Variants in AUTS2 observed in about 807,000 individuals in gnomAD.
AUTS2 encodes the protein autism susceptibility gene 2 protein.
A neutral mutation model predicts 112.4 loss-of-function variants in AUTS2; 17 were observed. The ratio of observed to expected loss-of-function variants is 0.15; its 90% confidence interval spans 0.10 to 0.23. The LOEUF (loss-of-function observed/expected upper bound fraction) is 0.23. Among genes scored for constraint, AUTS2 ranks in the 10% least tolerant of loss-of-function variants. The pLI is 1.00. For missense variants in AUTS2, 1,510 were observed against 1,701.6 expected, an observed-to-expected ratio of 0.89 and a Z score of 1.98; for synonymous variants, 751 against 702.7, an observed-to-expected ratio of 1.07 and a Z score of -1.09.
chr7:70,610,449 T>C (rs1804032678), intron 5 of AUTS2, among the ~76,000 whole-genome samples: 1 of 95,788 alleles, frequency 1.0e-5, no homozygotes, highest in Non-Finnish European at 2.2e-5. Context: ...TTTTTTTTTT[T>C]TTTCCTGACA....
At chr7:70,276,377 CTTT>C (rs545099548) in intron 4 of AUTS2, among the ~76,000 whole-genome samples, 2 of 139,928 alleles carry the variant, frequency 1.4e-5, no homozygotes. Flanking sequence ...AATTTTGTGA[CTTT>C]TTTTTTTTTT....
At chr7:70,038,804 C>G (rs1420959814) in intron 2 of AUTS2, among the ~76,000 whole-genome samples, 1 of 151,926 alleles carries the variant, frequency 6.6e-6, no homozygotes, top group Non-Finnish European at 1.5e-5. Context: ...GGAGTCTCAC[C>G]CTGTCGCGCT....
chr7:70,628,203 G>C (rs1361627949), intron 5 of AUTS2, among the ~76,000 whole-genome samples: 3 of 152,088 alleles, frequency 2.0e-5, no homozygotes, highest in Non-Finnish European at 4.4e-5. Context: ...AAAAAAACAT[G>C]TTTATTTGCC....
chr7:70,444,371 T>A (rs113123008), intron 5 of AUTS2, among the ~76,000 whole-genome samples: 18,677 of 141,082 alleles, frequency 0.13, 1,208 homozygotes, highest in Middle Eastern at 0.17. Flanking sequence ...TGTGTGTGTG[T>A]GTGAGAGAGA....
At chr7:69,730,019 T>TTTTTTTTTTA (rs10684332) in intron 1 of AUTS2, among the ~76,000 whole-genome samples, 3 of 132,100 alleles carry the variant, frequency 2.3e-5, no homozygotes, top group Non-Finnish European at 3.2e-5. Flanking sequence ...TTTTTTTTTT[T>TTTTTTTTTTA]AGAAACTAGG....
chr7:70,303,432 G>GCACACACACA (rs762636923), intron 4 of AUTS2, among the ~76,000 whole-genome samples: 55 of 103,164 alleles, frequency 5.3e-4, no homozygotes, highest in Admixed American at 2.3e-3. Context: ...ACGCGCGCGC[G>GCACACACACA]CGCACATACA....
chr7:69,691,037 C>T (rs908389549), intron 1 of AUTS2, among the ~76,000 whole-genome samples: 1 of 152,150 alleles, frequency 6.6e-6, no homozygotes, highest in Non-Finnish European at 1.5e-5. Context: ...TCAGGTTGTC[C>T]TGACAAGTTG....
intron 2 of AUTS2, among the ~76,000 whole-genome samples, chr7:69,946,557 TAC>T (rs57891742): frequency 0.043 from 6,229 of 143,814 alleles, 136 homozygotes; most frequent in Non-Finnish European, 0.05. Context: ...TGTGATGTGA[TAC>T]ACACACACAC....
At chr7:70,423,585 G>A (rs1018794686) in intron 4 of AUTS2, among the ~76,000 whole-genome samples, 1 of 152,164 alleles carries the variant, frequency 6.6e-6, no homozygotes, top group African/African-American at 2.4e-5. Flanking sequence ...GTCCCTGTGT[G>A]CAGGTTACTG....
intron 5 of AUTS2, among the ~76,000 whole-genome samples, chr7:70,658,439 C>T (rs901635041): frequency 6.6e-6 from 1 of 152,242 alleles, no homozygotes; most frequent in Non-Finnish European, 1.5e-5. Flanking sequence ...GCCTTTGATC[C>T]ATCTCTCGGC....
At chr7:69,753,966 A>T (rs1335678503) in intron 1 of AUTS2, among the ~76,000 whole-genome samples, 1 of 152,152 alleles carries the variant, frequency 6.6e-6, no homozygotes, top group Non-Finnish European at 1.5e-5. Flanking sequence ...TGCTGTTCAC[A>T]TGTAGTCTAA....
intron 5 of AUTS2, among the ~76,000 whole-genome samples, chr7:70,473,164 T>A (rs1379248009): frequency 6.6e-6 from 1 of 152,240 alleles, no homozygotes; most frequent in African/African-American, 2.4e-5. Context: ...GAGCCAAGCA[T>A]TTTTCACAGC....
intron 4 of AUTS2, among the ~76,000 whole-genome samples, chr7:70,259,079 A>G (rs1388529116): frequency 1.3e-5 from 2 of 152,122 alleles, no homozygotes; most frequent in Admixed American, 1.3e-4. Context: ...TGGTGTGGAA[A>G]AATATTAAAA....
At chr7:70,000,024 T>A (rs1284120285) in intron 2 of AUTS2, among the ~76,000 whole-genome samples, 2 of 152,208 alleles carry the variant, frequency 1.3e-5, no homozygotes, top group Non-Finnish European at 2.9e-5. Flanking sequence ...ACAGCTTAAT[T>A]CGACTGGATG....
chr7:70,162,243 G>A (rs988124679), intron 4 of AUTS2, among the ~76,000 whole-genome samples: 7 of 151,178 alleles, frequency 4.6e-5, no homozygotes, highest in Non-Finnish European at 7.4e-5. Flanking sequence ...TCAGGAGATC[G>A]AGACCATCCC....
chr7:70,640,421 G>GAAAAAAAAAAAAAAAAAAAA, intron 5 of AUTS2, among the ~76,000 whole-genome samples: 1 of 93,616 alleles, frequency 1.1e-5, no homozygotes, highest in Non-Finnish European at 1.9e-5. Flanking sequence ...CTCACAGGGG[G>GAAAAAAAAAAAAAAAAAAAA]AAAAAAAAAA....
Position 70,613,201 on chromosome 7 carries a change from A to C in AUTS2, c.691-85368A>C, listed in dbSNP as rs141531035. On this transcript the variant is annotated intron_variant, in intron 5 of 18. Transcript: ENST00000342771. Reference sequence around the variant, plus strand: ...AAGCCCCAGAATAGCAAGAGGAAAAAAGGTTGGAGAGGCATATATATACAT... The same window carrying C: ...AAGCCCCAGAATAGCAAGAGGAAAACAGGTTGGAGAGGCATATATATACAT... Among the ~76,000 whole-genome samples the C allele has an allele frequency of 1.4e-3, 211 of 151,262 alleles. 1 individual carries two copies. Among genetic ancestry groups the C allele is most frequent in the African/African-American group, 4.9e-3 (200 of 40,996 alleles).
intron 5 of AUTS2, among the ~76,000 whole-genome samples, chr7:70,469,012 G>A (rs1797274704): frequency 6.6e-6 from 1 of 152,196 alleles, no homozygotes; most frequent in Non-Finnish European, 1.5e-5. Context: ...CAGTAGTTGG[G>A]TAATAATTAT....
intron 5 of AUTS2, among the ~76,000 whole-genome samples, chr7:70,539,293 T>G (rs1450692485): frequency 6.6e-6 from 1 of 152,188 alleles, no homozygotes; most frequent in Non-Finnish European, 1.5e-5. Context: ...GTTTGGGGCT[T>G]TCTGTCAACC....
Sources: allele counts gnomAD v4.1 joint callset (sites outside exome capture counted in the v4.1 genomes callset), GRCh38; gene constraint gnomAD v4.1.1; transcripts MANE v1.5; gene names NCBI Gene and HGNC (gene_info 2026-07-23, HGNC 2026-07-21).